The following DNER variants were observed in gnomAD, a reference collection of about 807,000 sequenced individuals.
DNER encodes delta and Notch-like epidermal growth factor-related receptor.
In DNER, 33 loss-of-function variants were observed where a neutral mutation model predicts 78.2. That is an observed-to-expected ratio of 0.42 (90% confidence interval 0.32 to 0.56). DNER has a LOEUF of 0.56. DNER is among the 20% of genes least tolerant of loss of function. DNER has a pLI of 0.11. For synonymous variants in DNER, 417 were observed against 384.8 expected (o/e 1.08, Z -0.98); for missense variants, 918 against 975.3 (o/e 0.94, Z 0.78).
intron 4 of DNER, among the ~76,000 whole-genome samples, chr2:229,550,734 C>G (rs1402390056): frequency 6.6e-6 from 1 of 152,092 alleles, no homozygotes; most frequent in Non-Finnish European, 1.5e-5. Flanking sequence ...GAGATTGCAC[C>G]ACTGCGCTCC....
chr2:229,512,380 C>CAG (rs1553536617), intron 6 of DNER, among the ~76,000 whole-genome samples: 10 of 134,236 alleles, frequency 7.4e-5, no homozygotes, highest in African/African-American at 2.8e-4. Flanking sequence ...GACTCTGTCT[C>CAG]AAAAAAAAAA....
chr2:229,537,214 G>T (rs1436402687), intron 5 of DNER, among the ~76,000 whole-genome samples: 1 of 152,026 alleles, frequency 6.6e-6, no homozygotes, highest in African/African-American at 2.4e-5. Context: ...ATGCCATAAG[G>T]TCAACCCCCG....
At chr2:229,617,639 T>C (rs948906288) in intron 1 of DNER, among the ~76,000 whole-genome samples, 1 of 152,236 alleles carries the variant, frequency 6.6e-6, no homozygotes, top group Admixed American at 6.5e-5. Flanking sequence ...TTTTTTGTTA[T>C]AAGCATGAAA....
intron 7 of DNER, among the ~76,000 whole-genome samples, chr2:229,470,038 G>A (rs1226552804): frequency 1.3e-5 from 2 of 152,210 alleles, no homozygotes; most frequent in Admixed American, 6.5e-5. Flanking sequence ...TACTGTTATA[G>A]GTACTGCCGA....
At chr2:229,616,095 C>T (rs964213962) in intron 1 of DNER, among the ~76,000 whole-genome samples, 7 of 152,180 alleles carry the variant, frequency 4.6e-5, no homozygotes, top group African/African-American at 1.4e-4. Context: ...AACTGATAAA[C>T]TTAAATTAAT....
intron 6 of DNER, among the ~76,000 whole-genome samples, chr2:229,490,802 C>G (rs1695382859): frequency 6.6e-6 from 1 of 152,160 alleles, no homozygotes; most frequent in Non-Finnish European, 1.5e-5. Flanking sequence ...CACTTCCACT[C>G]ACACCTCAGC....
At position 229,629,409 on chromosome 2, in the gene DNER, G is replaced by A. The variant is rs558336973; in HGVS notation, c.277-37521C>T. ...ATTTTACTAAGGAGGACTTACTTAG[G>A]TGGCTCAACAGCACTGTAGTCACTA... On this transcript the variant is annotated intron_variant, in intron 1 of 12. Coordinates refer to ENST00000341772, the MANE Select transcript of DNER (RefSeq NM_139072.4). Among the ~76,000 whole-genome samples, 70 of 152,254 alleles carry A rather than the reference G, an allele frequency of 4.6e-4. 1 individual carries two copies. The highest frequency in any genetic ancestry group is 2.6e-4 in the Non-Finnish European group (18 of 68,024).
intron 7 of DNER, among the ~76,000 whole-genome samples, chr2:229,455,623 C>G (rs1694555761): frequency 6.6e-6 from 1 of 152,018 alleles, no homozygotes; most frequent in Admixed American, 6.5e-5. Context: ...CTGGGCCATG[C>G]AGTGATGCTG....
intron 4 of DNER, among the ~76,000 whole-genome samples, chr2:229,555,346 C>G (rs774348315): frequency 6.1e-4 from 93 of 152,138 alleles, no homozygotes; most frequent in Admixed American, 2.0e-4. Flanking sequence ...TACACCTCTC[C>G]CAGCAGCCTT....
intron 1 of DNER, among the ~76,000 whole-genome samples, chr2:229,683,124 C>T (rs1025293174): frequency 1.3e-5 from 2 of 152,134 alleles, no homozygotes; most frequent in African/African-American, 4.8e-5. Flanking sequence ...ACAATAACTC[C>T]ATCAACTGAA....
At chr2:229,518,628 G>A (rs960243790) in intron 5 of DNER, among the ~76,000 whole-genome samples, 30 of 152,262 alleles carry the variant, frequency 2.0e-4, no homozygotes, top group African/African-American at 5.5e-4. Flanking sequence ...CACCTAAATC[G>A]AGTCCAACCA....
intron 6 of DNER, among the ~76,000 whole-genome samples, chr2:229,508,633 G>C (rs568180806): frequency 6.6e-6 from 1 of 152,232 alleles, no homozygotes; most frequent in South Asian, 2.1e-4. Flanking sequence ...TGTAATCCCA[G>C]CACTTTGGGA....
At chr2:229,598,142 G>C (rs1431862989) in intron 1 of DNER, among the ~76,000 whole-genome samples, 1 of 152,210 alleles carries the variant, frequency 6.6e-6, no homozygotes, top group African/African-American at 2.4e-5. Flanking sequence ...GTAAGTCAAA[G>C]CTAATAGGGT....
chr2:229,678,523 T>G (rs777146472), intron 1 of DNER, among the ~76,000 whole-genome samples: 6 of 152,186 alleles, frequency 3.9e-5, no homozygotes, highest in Non-Finnish European at 8.8e-5. Context: ...CTTGGAGAAG[T>G]CAGGTAAGTA....
chr2:229,641,161 T>C (rs1698615684), intron 1 of DNER, among the ~76,000 whole-genome samples: 1 of 152,118 alleles, frequency 6.6e-6, no homozygotes, highest in Non-Finnish European at 1.5e-5. Context: ...AACAGAAATA[T>C]CGGAAGTCAA....
At chr2:229,544,384 A>G (rs1462476774) in intron 5 of DNER, among the ~76,000 whole-genome samples, 2 of 152,046 alleles carry the variant, frequency 1.3e-5, no homozygotes, top group African/African-American at 4.8e-5. Flanking sequence ...TTCAGTTTCC[A>G]TTTGTGTTCT....
intron 1 of DNER, among the ~76,000 whole-genome samples, chr2:229,698,257 A>G (rs1699690427): frequency 6.6e-6 from 1 of 152,166 alleles, no homozygotes; most frequent in Admixed American, 6.5e-5. Flanking sequence ...GGGCAAAGTG[A>G]GGCAAGGAGA....
intron 1 of DNER, among the ~76,000 whole-genome samples, chr2:229,597,002 T>C (rs1358147317): frequency 3.5e-5 from 5 of 142,820 alleles, no homozygotes; most frequent in South Asian, 2.2e-4. Flanking sequence ...CACGCACACA[T>C]ATACATGCAC....
chr2:229,427,816 C>T (rs1339437760), intron 8 of DNER, among the ~76,000 whole-genome samples: 1 of 152,126 alleles, frequency 6.6e-6, no homozygotes, highest in Non-Finnish European at 1.5e-5. Flanking sequence ...GTGGCTCACG[C>T]CTGTAATCCC....
Sources: allele counts gnomAD v4.1 joint callset (sites outside exome capture counted in the v4.1 genomes callset), GRCh38; gene constraint gnomAD v4.1.1; transcripts MANE v1.5; gene names NCBI Gene and HGNC (gene_info 2026-07-23, HGNC 2026-07-21).